ERICH3: variants seen among roughly 807,000 people sequenced by gnomAD.
The protein encoded by ERICH3 is glutamate rich 3.
Under a neutral mutation model 131.1 loss-of-function variants are expected in ERICH3, and 126 were observed. The ratio of observed to expected loss-of-function variants is 0.96; its 90% confidence interval spans 0.83 to 1.11. The LOEUF (loss-of-function observed/expected upper bound fraction) is 1.11. ERICH3 is among the 50% of genes most tolerant of loss of function. The pLI is 0.00. For synonymous variants in ERICH3, 695 were observed against 644.6 expected (o/e 1.08, Z -1.18); for missense variants, 2,050 against 1,810.7 (o/e 1.13, Z -2.40).
chr1:74,656,331 G>A (rs1393816803), intron 1 of ERICH3, among the ~76,000 whole-genome samples: 2 of 152,082 alleles, frequency 1.3e-5, no homozygotes, highest in Admixed American at 6.5e-5. Flanking sequence ...GGCATTTAGT[G>A]TTTCTTTCTT....
At chr1:74,631,595 T>C in intron 7 of ERICH3, 118 bp downstream of exon 7, 1 of 806,138 alleles carries the variant, frequency 1.2e-6, no homozygotes, top group Non-Finnish European at 2.0e-6. Context: ...TTGTATTTCT[T>C]TACACACAAC....
chr1:74,592,435 A>G (rs1647651375), intron 11 of ERICH3, among the ~76,000 whole-genome samples: 2 of 152,112 alleles, frequency 1.3e-5, no homozygotes, highest in South Asian at 4.1e-4. Flanking sequence ...GCTCTGATTT[A>G]TTAGCAGTTT....
intron 1 of ERICH3, among the ~76,000 whole-genome samples, chr1:74,654,352 A>G (rs1646563979): frequency 1.3e-5 from 2 of 149,596 alleles, no homozygotes; most frequent in Middle Eastern, 3.2e-3. Flanking sequence ...ACTGTAGGAT[A>G]TGTGTATATA....
chr1:74,625,251 A>G (rs1284446750), intron 7 of ERICH3: 1 of 152,068 alleles, frequency 6.6e-6, no homozygotes, highest in Non-Finnish European at 1.5e-5. Flanking sequence ...GCCATGCAGA[A>G]CAATATACCT....
intron 11 of ERICH3, among the ~76,000 whole-genome samples, chr1:74,593,791 C>G (rs1647716950): frequency 6.6e-6 from 1 of 152,086 alleles, no homozygotes; most frequent in African/African-American, 2.4e-5. Flanking sequence ...AGAGGTTCAA[C>G]AGTACCCAAT....
At position 74,612,643 on chromosome 1, in the gene ERICH3, C is replaced by G. The variant is rs759587732; in HGVS notation, c.1167G>C (p.Glu389Asp). The change falls in exon 9 of 15, where the codon GAG becomes GAC. Residue 389 changes from glutamate (E) to aspartate (D), a missense_variant. Physicochemically the swap from Glu to Asp is conservative, Grantham distance 45 (BLOSUM62 2). Coordinates refer to ENST00000326665, the MANE Select transcript of ERICH3 (RefSeq NM_001002912.5). ...KRGYFGFVCVERSSPCYKCII... is the reference protein window; with the variant it reads ...KRGYFGFVCVDRSSPCYKCII... ...CATACTTGTAGCAAGGAGATGATCTCTCAACACACACAAACCCAAAGTAGC... is the reference window on the plus strand; with the variant it reads ...CATACTTGTAGCAAGGAGATGATCTGTCAACACACACAAACCCAAAGTAGC... The G allele has an allele frequency of 6.3e-7, 1 of 1,580,640 alleles. No individual in the cohort carries two copies. Among genetic ancestry groups the G allele is most frequent in the East Asian group, 2.3e-5 (1 of 44,326 alleles).
At chr1:74,585,140 T>C (rs1284602119) in intron 12 of ERICH3, among the ~76,000 whole-genome samples, 1 of 152,154 alleles carries the variant, frequency 6.6e-6, no homozygotes, top group Non-Finnish European at 1.5e-5. Flanking sequence ...TTAAATTAAG[T>C]TTACAAATTA....
intron 1 of ERICH3, among the ~76,000 whole-genome samples, chr1:74,654,829 T>C (rs915867742): frequency 1.3e-5 from 2 of 152,166 alleles, no homozygotes; most frequent in South Asian, 2.1e-4. Flanking sequence ...CCAAAGACCA[T>C]ATAACCTAAG....
intron 3 of ERICH3, 34 bp downstream of exon 3, chr1:74,646,633 T>A (rs1646486537): frequency 4.5e-6 from 5 of 1,121,158 alleles, no homozygotes; most frequent in Non-Finnish European, 6.0e-6. Context: ...TAGAAAAAAA[T>A]AAAATAAAAT....
At position 74,638,095 on chromosome 1, in the gene ERICH3, A is replaced by C. The variant is rs1646407707; in HGVS notation, c.445-1657T>G. ...AGGGTTTAATACATACACTTTAAAG[A>C]ATGGTGAACAACAAATATTCAGCTC... On this transcript the variant is annotated intron_variant, in intron 5 of 14. Transcript: ENST00000326665. 2.0e-5 allele frequency among the ~76,000 whole-genome samples: 3 copies of C among 152,312 alleles called. No individual in the cohort carries two copies. The South Asian group carries it at 6.2e-4, about 32-fold the overall frequency.
intron 1 of ERICH3, among the ~76,000 whole-genome samples, chr1:74,667,510 AG>A (rs1166150447): frequency 6.6e-6 from 1 of 152,214 alleles, no homozygotes; most frequent in African/African-American, 2.4e-5. Flanking sequence ...AGATTATTTC[AG>A]TACTACCTTC....
intron 7 of ERICH3, among the ~76,000 whole-genome samples, chr1:74,629,099 C>T (rs957543900): frequency 3.9e-5 from 6 of 151,938 alleles, no homozygotes; most frequent in Admixed American, 3.3e-4. Context: ...TCCACAAATA[C>T]GACGGAGTTA....
chr1:74,620,936 G>A, intron 7 of ERICH3, 22 bp from the exon 8 acceptor site: 2 of 1,502,606 alleles, frequency 1.3e-6, no homozygotes, highest in Non-Finnish European at 1.8e-6. Context: ...AGAAAAATGA[G>A]GCTTATTAAC....
intron 1 of ERICH3, among the ~76,000 whole-genome samples, chr1:74,657,029 C>A (rs1376340097): frequency 1.3e-5 from 2 of 152,160 alleles, no homozygotes; most frequent in Admixed American, 1.3e-4. Context: ...TTAATGGAAA[C>A]AAAGCATATT....
intron 7 of ERICH3, chr1:74,625,274 A>G (rs1481712170): frequency 1.3e-5 from 2 of 152,056 alleles, no homozygotes; most frequent in African/African-American, 4.8e-5. Context: ...TTTCATTAAG[A>G]AAGGGCCAAC....
chr1:74,598,770 G>T (rs1269637934), intron 11 of ERICH3, among the ~76,000 whole-genome samples: 1 of 151,868 alleles, frequency 6.6e-6, no homozygotes, highest in East Asian at 1.9e-4. Flanking sequence ...AGGTGAGTGG[G>T]TGTATCACAA....
At chr1:74,627,052 A>G (rs1046126812) in intron 7 of ERICH3, among the ~76,000 whole-genome samples, 1 of 152,218 alleles carries the variant, frequency 6.6e-6, no homozygotes, top group Admixed American at 6.5e-5. Flanking sequence ...ATTAGTCACA[A>G]GAGCCATCTC....
intron 12 of ERICH3, among the ~76,000 whole-genome samples, chr1:74,585,423 A>G (rs968566991): frequency 1.3e-5 from 2 of 152,182 alleles, no homozygotes; most frequent in African/African-American, 4.8e-5. Flanking sequence ...ACTATAAAAT[A>G]GTGAGAAGGA....
In ERICH3 at chr1:74,631,786, C is replaced by T. The variant is rs1570892457; in HGVS notation, c.746G>A (p.Arg249Lys). The change falls in exon 7 of 15, where the codon AGA (arginine) becomes AAA (lysine). Residue 249 changes from arginine (R) to lysine (K), a missense_variant. By Grantham distance (26) the Arg-to-Lys change is conservative. Coordinates refer to ENST00000326665, the MANE Select transcript of ERICH3 (RefSeq NM_001002912.5). The stretch of plus-strand genomic sequence containing the variant: ...TCTTCTCCTTCTCCATGTTTCAGAT[C>T]TATTTTCTCTTGTGATTTTCCCAGT... ...PPTGKITREN[R>K]SETWRRRRFR... The T allele has an allele frequency of 6.2e-7, 1 of 1,613,612 alleles. No homozygotes were observed. Among genetic ancestry groups the T allele is most frequent in the Non-Finnish European group, 8.5e-7 (1 of 1,179,692 alleles).
Sources: gnomAD v4.1 joint callset for allele counts (sites outside exome capture counted in the v4.1 genomes callset) on GRCh38, gnomAD v4.1.1 for gene constraint, MANE v1.5 for transcripts, NCBI Gene and HGNC (gene_info 2026-07-23, HGNC 2026-07-21) for gene names.